DTNA: variants seen among roughly 807,000 people sequenced by gnomAD.
DTNA encodes the protein dystrobrevin alpha, also known as dystrophin-related protein 3.
A neutral mutation model predicts 100.7 loss-of-function variants in DTNA; 43 were observed. The ratio of observed to expected loss-of-function variants is 0.43; its 90% CI spans 0.33 to 0.55. The LOEUF is 0.55. Among genes scored for constraint, DTNA ranks in the 20% least tolerant of loss-of-function variants. The pLI is 0.04. For missense variants in DTNA, 798 were observed against 953.9 expected (o/e 0.84, Z 2.15); for synonymous variants, 349 against 347.9 (o/e 1.00, Z -0.04).
At chr18:34,820,008 G>T (rs1467831676) in intron 8 of DTNA, among the ~76,000 whole-genome samples, 1 of 144,904 alleles carries the variant, frequency 6.9e-6, no homozygotes, top group South Asian at 2.5e-4. Flanking sequence ...GGCAAAAACC[G>T]CAATTGCTTT....
chr18:34,797,781 T>C (rs1301672600), intron 4 of DTNA, among the ~76,000 whole-genome samples: 1 of 152,196 alleles, frequency 6.6e-6, no homozygotes, highest in East Asian at 1.9e-4. Flanking sequence ...GTCAAGTTGA[T>C]CACCTTTCCA....
chr18:34,705,328 A>C (rs1464855251), upstream of DTNA, among the ~76,000 whole-genome samples: 1 of 152,190 alleles, frequency 6.6e-6, no homozygotes, highest in Non-Finnish European at 1.5e-5. Context: ...CAAACAAAAC[A>C]GCATCACCCA....
intron 3 of DTNA, among the ~76,000 whole-genome samples, chr18:34,780,775 C>T (rs1456293276): frequency 6.6e-6 from 1 of 152,282 alleles, no homozygotes; most frequent in Middle Eastern, 3.4e-3. Context: ...ATGGAAGCAG[C>T]TCACTGGGAT....
chr18:34,781,763 G>T (rs1433262284), intron 3 of DTNA, among the ~76,000 whole-genome samples: 1 of 152,196 alleles, frequency 6.6e-6, no homozygotes, highest in Non-Finnish European at 1.5e-5. Context: ...TCATTGCACA[G>T]AGAATTGTAT....
chr18:34,615,113 A>G (rs1192248838), intron 1 of DTNA, among the ~76,000 whole-genome samples: 3 of 152,190 alleles, frequency 2.0e-5, no homozygotes, highest in Non-Finnish European at 2.9e-5. Context: ...CATGGTGCTG[A>G]CACCTGCTTA....
intron 3 of DTNA, among the ~76,000 whole-genome samples, chr18:34,780,694 T>C (rs1209709376): frequency 6.6e-5 from 10 of 152,186 alleles, no homozygotes; most frequent in African/African-American, 2.4e-4. Context: ...CAGCCAGGAA[T>C]AGACAGAGAC....
chr18:34,855,228 C>T (rs2096538360), intron 15 of DTNA, among the ~76,000 whole-genome samples: 2 of 152,180 alleles, frequency 1.3e-5, no homozygotes, highest in African/African-American at 4.8e-5. Context: ...GGCTTGTATA[C>T]CAGACCAAAG....
intron 9 of DTNA, among the ~76,000 whole-genome samples, chr18:34,823,554 A>C (rs1436545263): frequency 6.6e-6 from 1 of 152,254 alleles, no homozygotes; most frequent in Non-Finnish European, 1.5e-5. Context: ...ATAGTGCAGA[A>C]ATGTGTATAG....
chr18:34,786,025 C>T (rs2094496313), intron 3 of DTNA, among the ~76,000 whole-genome samples: 1 of 152,210 alleles, frequency 6.6e-6, no homozygotes, highest in Admixed American at 6.5e-5. Context: ...AAGTTCCTCT[C>T]CCTACCTCCT....
chr18:34,867,941 G>T (rs2096724576), intron 17 of DTNA: 1 of 985,386 alleles, frequency 1.0e-6, no homozygotes, highest in Non-Finnish European at 1.2e-6. Context: ...CATCGTCTGG[G>T]TAGTGGCAGA....
intron 17 of DTNA, among the ~76,000 whole-genome samples, chr18:34,874,831 C>T (rs1260111641): frequency 6.6e-6 from 1 of 152,218 alleles, no homozygotes; most frequent in Non-Finnish European, 1.5e-5. Context: ...GTTGAAAATT[C>T]AGAAAGCATC....
chr18:34,596,006 G>A (rs901852071), intron 1 of DTNA, among the ~76,000 whole-genome samples: 12 of 152,146 alleles, frequency 7.9e-5, no homozygotes, highest in Non-Finnish European at 1.6e-4. Flanking sequence ...CCACCTGAGG[G>A]CCAAGGACTT....
chr18:34,625,333 C>T (rs543931225), intron 1 of DTNA, among the ~76,000 whole-genome samples: 1 of 152,086 alleles, frequency 6.6e-6, no homozygotes, highest in African/African-American at 2.4e-5. Context: ...CTGGCCCACC[C>T]AGTTAATTTT....
rs779836073 is a variant in DTNA at position 34,879,647 on chromosome 18, T to C, written c.2090T>C (p.Leu697Pro). The C allele has an allele frequency of 6.2e-7, 1 of 1,614,110 alleles. No individual in the cohort carries two copies. Among genetic ancestry groups the C allele is most frequent in the Non-Finnish European group, 8.5e-7 (1 of 1,179,990 alleles). ...TCACCAACCTCTGAAAAGGCTTTTC[T>C]AGCGCAAATCCATGCCCGAAAACCT... is the stretch of plus-strand genomic sequence containing the variant. ...VPSPTSEKAF[L>P]AQIHARKPGY... Residue 697 changes from leucine (L) to proline (P), a missense_variant, in exon 20 of 23, where the codon CTA becomes CCA. Around this residue, in one of 6 missense-constraint regions of DTNA, gnomAD observed 242 missense variants for 238.2 expected, o/e 1.02. Coordinates refer to ENST00000444659, the MANE Select transcript of DTNA (RefSeq NM_001386795.1).
chr18:34,541,903 G>A (rs1191991837), intron 1 of DTNA, among the ~76,000 whole-genome samples: 3 of 152,058 alleles, frequency 2.0e-5, no homozygotes, highest in African/African-American at 7.2e-5. Flanking sequence ...TAGACCTGGT[G>A]ATTGATTAGA....
chr18:34,811,461 C>A lies in DTNA; in HGVS notation c.449-498C>A, dbSNP rs528726190. ...GTTTGTCATTACATCTTTATCCTCA[C>A]CGTGTCTTTGATTTTCAAATATCTT... On this transcript the variant is annotated intron_variant, in intron 5 of 22. Transcript: ENST00000444659. 2.4e-5 allele frequency among the ~76,000 whole-genome samples: 3 copies of A among 122,736 alleles called. No individual in the cohort carries two copies. In the South Asian group the frequency reaches 6.8e-4, roughly 28 times the overall value. The allele number at this position is 122,736 out of a possible 152,430, so 80.5% of individuals were successfully genotyped here.
chr18:34,627,660 G>A (rs998631125), intron 1 of DTNA, among the ~76,000 whole-genome samples: 3 of 152,024 alleles, frequency 2.0e-5, no homozygotes, highest in Admixed American at 6.6e-5. Context: ...AGTGTTCTTT[G>A]TCCTTTGCCT....
intron 1 of DTNA, among the ~76,000 whole-genome samples, chr18:34,726,224 T>C (rs1294997872): frequency 2.0e-5 from 3 of 152,066 alleles, no homozygotes; most frequent in Non-Finnish European, 4.4e-5. Context: ...TGTGCACATA[T>C]ACCCCAGAAC....
At chr18:34,501,655 T>G (rs1460867228) in intron 1 of DTNA, among the ~76,000 whole-genome samples, 1 of 152,180 alleles carries the variant, frequency 6.6e-6, no homozygotes, top group African/African-American at 2.4e-5. Context: ...ATATCTATAT[T>G]AGTGTGCTAG....
Sources: allele counts gnomAD v4.1 joint callset (sites outside exome capture counted in the v4.1 genomes callset), GRCh38; gene constraint gnomAD v4.1.1; regional missense constraint gnomAD v4.1.1; transcripts MANE v1.5; gene names NCBI Gene and HGNC (gene_info 2026-07-23, HGNC 2026-07-21).